Variants in ANTXR1 observed in about 807,000 individuals in gnomAD.
ANTXR1 encodes anthrax toxin receptor 1.
Under a neutral mutation model 78.1 loss-of-function variants are expected in ANTXR1, and 19 were observed. The observed-to-expected ratio is 0.24, with a 90% CI of 0.17 to 0.36. ANTXR1 has a LOEUF of 0.36. Ranked by LOEUF, ANTXR1 falls within the 10% of genes least tolerant of loss-of-function variation. ANTXR1 has a pLI of 1.00. For missense variants in ANTXR1, 518 were observed against 718.6 expected (o/e 0.72, Z 3.19); for synonymous variants, 273 against 260.5 (o/e 1.05, Z -0.46).
intron 12 of ANTXR1, 98 bp from the exon 13 acceptor site, chr2:69,152,071 C>T: frequency 8.1e-7 from 1 of 1,239,508 alleles, no homozygotes; most frequent in Non-Finnish European, 1.2e-6. Context: ...GTGCTGCTCT[C>T]TGAGCCTTAA....
chr2:69,053,795 A>T (rs1669996842), intron 3 of ANTXR1, among the ~76,000 whole-genome samples: 1 of 152,208 alleles, frequency 6.6e-6, no homozygotes, highest in Non-Finnish European at 1.5e-5. Flanking sequence ...TGATTCCCAG[A>T]GAGACAGAAT....
At chr2:69,177,831 G>A in intron 14 of ANTXR1, among the ~76,000 whole-genome samples, 1 of 152,116 alleles carries the variant, frequency 6.6e-6, no homozygotes, top group Non-Finnish European at 1.5e-5. Flanking sequence ...CCCACCACTC[G>A]GGGGGATTGG....
At chr2:69,024,348 T>A (rs1337489284) in intron 1 of ANTXR1, among the ~76,000 whole-genome samples, 2 of 152,110 alleles carry the variant, frequency 1.3e-5, no homozygotes, top group African/African-American at 4.8e-5. Context: ...AAAATGCAGG[T>A]ATGGATAATA....
chr2:69,131,864 G>A (rs956793906), intron 12 of ANTXR1, among the ~76,000 whole-genome samples: 2 of 152,024 alleles, frequency 1.3e-5, no homozygotes, highest in African/African-American at 4.8e-5. Flanking sequence ...ATTTAACAGG[G>A]GAAAAAATCT....
In ANTXR1 at chr2:69,170,210, G is replaced by A. The variant is rs1673943093; in HGVS notation, c.1048-38G>A. The A allele has an allele frequency of 3.1e-6, 5 of 1,613,690 alleles. No individual in the cohort carries two copies. The East Asian group carries it at 1.1e-4, about 36-fold the overall frequency. ...AAGCCTCTTAGGAGGCAGGTAGCCA[G>A]AGATTTTTCACTGACCTGTTCTCTG... On this transcript the variant is annotated intron_variant, in intron 13 of 17. Coordinates refer to ENST00000303714, the MANE Select transcript of ANTXR1 (RefSeq NM_032208.3).
At chr2:69,122,953 G>C in intron 10 of ANTXR1, 64 bp from the exon 11 acceptor site, 1 of 1,539,366 alleles carries the variant, frequency 6.5e-7, no homozygotes, top group Non-Finnish European at 9.0e-7. Flanking sequence ...TTCTCTAGAA[G>C]TCATTGAATT....
At chr2:69,152,092 C>A in intron 12 of ANTXR1, 77 bp from the exon 13 acceptor site, 2 of 1,379,302 alleles carry the variant, frequency 1.5e-6, no homozygotes, top group Non-Finnish European at 2.1e-6. Context: ...ATCTGCATAT[C>A]AGTGATGGGA....
At position 69,245,584 on chromosome 2, in the gene ANTXR1, C is replaced by A. The variant is rs1676003988; in HGVS notation, c.*99C>A. On this transcript the variant is annotated 3_prime_UTR_variant, in exon 18 of 18. Transcript: ENST00000303714. ...GAGGAGTGGTGATAAAGCCCACTGA[C>A]CTTCACACATTCTAAAAATTGGTTG... The A allele has an allele frequency of 5.3e-6, 8 of 1,519,212 alleles. No individual in the cohort carries two copies. In the Admixed American group the frequency reaches 1.0e-4, roughly 20 times the overall value. The allele number at this position is 1,519,212 out of a possible 1,614,324, so 94.1% of individuals were successfully genotyped here.
rs563008585 is a variant in ANTXR1, at chr2:69,199,056, C to A, written c.1434+5641C>A. Among the ~76,000 whole-genome samples the A allele has an allele frequency of 3.3e-5, 5 of 152,332 alleles. No individual in the cohort carries two copies. In the South Asian group the frequency reaches 8.3e-4, roughly 25 times the overall value. On this transcript the variant is annotated intron_variant, in intron 17 of 17. Coordinates refer to ENST00000303714, the MANE Select transcript of ANTXR1 (RefSeq NM_032208.3). Reference sequence around the variant, plus strand: ...ACAACACAACGGGCTGCCCCAGAGACTAATGCTCCAGGTAACTAATGTTAC... The same window carrying A: ...ACAACACAACGGGCTGCCCCAGAGAATAATGCTCCAGGTAACTAATGTTAC...
At position 69,209,759 on chromosome 2, in the gene ANTXR1, C is replaced by T. The variant is rs529636443; in HGVS notation, c.1434+16344C>T. Among the ~76,000 whole-genome samples the T allele has an allele frequency of 4.6e-5, 7 of 152,270 alleles. No individual in the cohort carries two copies. In the East Asian group the frequency reaches 5.8e-4, roughly 13 times the overall value. On this transcript the variant is annotated intron_variant, in intron 17 of 17. Transcript: ENST00000303714. ...CATGTTGGAGGAACTCAGAGGCCAG[C>T]GGTGATGGGTGGGCAGTAAGGTCAG...
chr2:69,151,706 A>G (rs1281105369), intron 12 of ANTXR1, among the ~76,000 whole-genome samples: 1 of 152,098 alleles, frequency 6.6e-6, no homozygotes, highest in African/African-American at 2.4e-5. Context: ...TTCCATCCAC[A>G]GCTTTATGAA....
At chr2:69,152,069 C>A in intron 12 of ANTXR1, 100 bp from the exon 13 acceptor site, 1 of 1,215,300 alleles carries the variant, frequency 8.2e-7, no homozygotes, top group Non-Finnish European at 1.2e-6. Flanking sequence ...CTGTGCTGCT[C>A]TCTGAGCCTT....
At chr2:69,096,282 AAGGAAGGGAGGAAGGG>A (rs1258672829) in intron 9 of ANTXR1, among the ~76,000 whole-genome samples, 2 of 34,662 alleles carry the variant, frequency 5.8e-5, no homozygotes, top group Non-Finnish European at 8.8e-5. Flanking sequence ...GGAAGGAAGG[AAGGAAGGGAGGAAGGG>A]AGGAAGGGAG....
At chr2:69,147,283 A>C (rs907905411) in intron 12 of ANTXR1, among the ~76,000 whole-genome samples, 3 of 152,274 alleles carry the variant, frequency 2.0e-5, no homozygotes, top group African/African-American at 7.2e-5. Context: ...GAATGAAGCA[A>C]ATACTATTTA....
chr2:69,085,837 T>C (rs11686284), intron 8 of ANTXR1, among the ~76,000 whole-genome samples: 108,055 of 152,140 alleles, frequency 0.71, 38,951 homozygotes, highest in African/African-American at 0.82. Context: ...AGAACTCATA[T>C]TGGATTTGGA....
intron 12 of ANTXR1, among the ~76,000 whole-genome samples, chr2:69,151,855 G>A (rs1192486728): frequency 6.6e-6 from 1 of 152,222 alleles, no homozygotes; most frequent in Admixed American, 6.5e-5. Flanking sequence ...TGGTGTTCCA[G>A]GGGGCCAGAT....
intron 17 of ANTXR1, among the ~76,000 whole-genome samples, chr2:69,240,347 G>A (rs1024372465): frequency 2.6e-5 from 4 of 152,216 alleles, no homozygotes; most frequent in Non-Finnish European, 4.4e-5. Context: ...TTTAGAGTAG[G>A]GTTCCACATG....
chr2:69,112,130 C>T (rs1273692847), intron 10 of ANTXR1, among the ~76,000 whole-genome samples: 1 of 152,086 alleles, frequency 6.6e-6, no homozygotes, highest in African/African-American at 2.4e-5. Context: ...ATGGGGATGC[C>T]CATCAGAATC....
At chr2:69,017,346 C>T (rs1318886451) in intron 1 of ANTXR1, among the ~76,000 whole-genome samples, 1 of 152,124 alleles carries the variant, frequency 6.6e-6, no homozygotes, top group Non-Finnish European at 1.5e-5. Flanking sequence ...TTCTTAGATC[C>T]TTTCGCTGGC....
Sources: gnomAD v4.1 joint callset for allele counts (sites outside exome capture counted in the v4.1 genomes callset) on GRCh38, gnomAD v4.1.1 for gene constraint, MANE v1.5 for transcripts, NCBI Gene and HGNC (gene_info 2026-07-23, HGNC 2026-07-21) for gene names.